The following PTPRN2 variants were observed in gnomAD, a reference collection of about 807,000 sequenced individuals.
PTPRN2 encodes receptor-type tyrosine-protein phosphatase N2.
Under a neutral mutation model 118.8 loss-of-function variants are expected in PTPRN2, and 74 were observed. That is an observed-to-expected ratio of 0.62 (90% confidence interval 0.52 to 0.76). The LOEUF is 0.76. PTPRN2 is among the 30% of genes least tolerant of loss of function. The probability of loss-of-function intolerance (pLI) is 0.00; values close to 1 mark genes in which losing one functional copy is unlikely to be tolerated. For synonymous variants in PTPRN2, 641 were observed against 608.0 expected (o/e 1.05, Z -0.80); for missense variants, 1,481 against 1,394.4 (o/e 1.06, Z -0.99).
chr7:157,702,565 C>T (rs1474640658), intron 12 of PTPRN2, among the ~76,000 whole-genome samples: 3 of 152,200 alleles, frequency 2.0e-5, no homozygotes, highest in Non-Finnish European at 2.9e-5. Context: ...CACCGGCAGG[C>T]GTGCTGCGGC....
chr7:157,788,763 C>T (rs973028339), intron 12 of PTPRN2, among the ~76,000 whole-genome samples: 1 of 152,162 alleles, frequency 6.6e-6, no homozygotes, highest in African/African-American at 2.4e-5. Flanking sequence ...CCTCGGGGGC[C>T]ACATCTCCGC....
chr7:157,995,876 A>G (rs1219534463), intron 11 of PTPRN2, among the ~76,000 whole-genome samples: 1 of 152,262 alleles, frequency 6.6e-6, no homozygotes, highest in Non-Finnish European at 1.5e-5. Context: ...AATCGACGTA[A>G]GTGTCCATCA....
At chr7:158,553,952 G>A (rs1826823503) in intron 1 of PTPRN2, among the ~76,000 whole-genome samples, 1 of 151,970 alleles carries the variant, frequency 6.6e-6, no homozygotes. Context: ...ACAGGCTTGG[G>A]AGTCTATACC....
chr7:157,843,037 CACG>C (rs1441186499), intron 12 of PTPRN2, among the ~76,000 whole-genome samples: 1 of 152,120 alleles, frequency 6.6e-6, no homozygotes, highest in Non-Finnish European at 1.5e-5. Flanking sequence ...CAGTGAAAAC[CACG>C]ACTTTTCCCC....
intron 3 of PTPRN2, among the ~76,000 whole-genome samples, chr7:158,267,424 T>C (rs185034420): frequency 4.6e-5 from 7 of 152,274 alleles, no homozygotes; most frequent in Admixed American, 1.3e-4. Context: ...TGTTTTTGTG[T>C]GAGTGTTGAT....
chr7:158,164,232 G>A lies in PTPRN2; in HGVS notation c.910+2699C>T, dbSNP rs576338585. ...CACAGAACAGGAGCGCGCAGGAAGG[G>A]CTCGCAGAGCAGGAGCGCACGCGTA... On this transcript the variant is annotated intron_variant, in intron 6 of 22. Transcript: ENST00000389418. Among the ~76,000 whole-genome samples the A allele has an allele frequency of 2.0e-5, 3 of 152,178 alleles. No homozygotes were observed. In the East Asian group the frequency reaches 5.8e-4, roughly 30 times the overall value.
intron 2 of PTPRN2, among the ~76,000 whole-genome samples, chr7:158,382,629 T>A (rs1811050562): frequency 6.6e-6 from 1 of 152,112 alleles, no homozygotes; most frequent in Non-Finnish European, 1.5e-5. Flanking sequence ...GCCTGTCAGA[T>A]CAGCGGTGGT....
rs1804772361 is a variant in PTPRN2 at position 157,794,988 on chromosome 7, T to G, written c.1788+103685A>C. On this transcript the variant is annotated intron_variant, in intron 12 of 22. Coordinates refer to ENST00000389418, the MANE Select transcript of PTPRN2 (RefSeq NM_002847.5). The surrounding 1 kb of genome is among the most constrained non-coding windows in gnomAD (Gnocchi z 5.2). ...GCAATTATAAAGTATTGAAACTTCC[T>G]CTAAGACATGGATCCCTGTGCGTCG... Among the ~76,000 whole-genome samples the G allele has an allele frequency of 6.6e-6, 1 of 152,206 alleles. No individual in the cohort carries two copies. Among genetic ancestry groups the G allele is most frequent in the African/African-American group, 2.4e-5 (1 of 41,458 alleles).
intron 2 of PTPRN2, among the ~76,000 whole-genome samples, chr7:158,447,465 C>G (rs1381061470): frequency 6.6e-6 from 1 of 152,142 alleles, no homozygotes; most frequent in Non-Finnish European, 1.5e-5. Flanking sequence ...CAGGCCAGGG[C>G]GGCACCACCT....
chr7:157,612,981 G>T (rs1195786884), intron 15 of PTPRN2, among the ~76,000 whole-genome samples: 1 of 152,156 alleles, frequency 6.6e-6, no homozygotes, highest in Non-Finnish European at 1.5e-5. Context: ...AGCAGCTCCG[G>T]AGGGTTGATC....
At chr7:157,936,840 T>C (rs973970679) in intron 11 of PTPRN2, among the ~76,000 whole-genome samples, 1 of 152,108 alleles carries the variant, frequency 6.6e-6, no homozygotes, top group African/African-American at 2.4e-5. Context: ...TCGCAGGGAG[T>C]GTATGAGGCC....
chr7:158,018,966 C>CAAA (rs753498681), intron 11 of PTPRN2, among the ~76,000 whole-genome samples: 287 of 65,836 alleles, frequency 4.4e-3, no homozygotes, highest in Non-Finnish European at 5.9e-3. Flanking sequence ...GTTTCAAAAA[C>CAAA]AAAAAAAAAA....
At chr7:158,221,584 A>G (rs1389321708) in intron 3 of PTPRN2, among the ~76,000 whole-genome samples, 2 of 152,152 alleles carry the variant, frequency 1.3e-5, no homozygotes, top group African/African-American at 4.8e-5. Context: ...CACAATCATG[A>G]TGGAAGGTGA....
chr7:158,206,019 C>A (rs1827115931), intron 3 of PTPRN2, among the ~76,000 whole-genome samples: 1 of 152,150 alleles, frequency 6.6e-6, no homozygotes, highest in East Asian at 1.9e-4. Flanking sequence ...GACTACAATT[C>A]CTGGGCAAGT....
chr7:158,266,948 C>T (rs1032656725), intron 3 of PTPRN2, among the ~76,000 whole-genome samples: 3 of 152,132 alleles, frequency 2.0e-5, no homozygotes, highest in African/African-American at 7.2e-5. Flanking sequence ...GCTGCCTCCA[C>T]CCCAGCTCCC....
intron 14 of PTPRN2, among the ~76,000 whole-genome samples, chr7:157,635,057 T>C (rs1289433665): frequency 6.6e-6 from 1 of 152,208 alleles, no homozygotes; most frequent in Admixed American, 6.5e-5. Flanking sequence ...TCCTTTCTCC[T>C]GTCCACAGCG....
chr7:158,524,065 GCCCTGGAGTGGAGTCATCTA>G (rs1563394111), intron 1 of PTPRN2, among the ~76,000 whole-genome samples: 1 of 92,608 alleles, frequency 1.1e-5, no homozygotes. Flanking sequence ...GGAGTCGTCT[GCCCTGGAGTGGAGTCATCTA>G]CCCTGGAGTG....
chr7:158,481,465 C>T (rs2080267013), intron 2 of PTPRN2, among the ~76,000 whole-genome samples: 1 of 152,214 alleles, frequency 6.6e-6, no homozygotes, highest in South Asian at 2.1e-4. Context: ...CATTTCAAGA[C>T]ATATATACAA....
intron 10 of PTPRN2, among the ~76,000 whole-genome samples, chr7:158,096,778 G>A (rs889389040): frequency 6.6e-6 from 1 of 152,228 alleles, no homozygotes; most frequent in African/African-American, 2.4e-5. Context: ...GAACACAGGT[G>A]AAACAGGTAG....
Sources: allele counts gnomAD v4.1 joint callset (sites outside exome capture counted in the v4.1 genomes callset), GRCh38; gene constraint gnomAD v4.1.1; non-coding constraint Gnocchi (gnomAD v3.1); transcripts MANE v1.5; gene names NCBI Gene and HGNC (gene_info 2026-07-23, HGNC 2026-07-21).